USP7: variants seen among roughly 807,000 people sequenced by gnomAD.
USP7 encodes the protein ubiquitin C-terminal hydrolase 7.
USP7 carries 9 observed loss-of-function variants against 162.9 expected under a neutral mutation model. The observed-to-expected ratio is 0.06, with a 90% CI of 0.03 to 0.10. The LOEUF is 0.10. Ranked by LOEUF, USP7 falls within the 10% of genes least tolerant of loss-of-function variation. USP7 has a pLI of 1.00. For synonymous variants in USP7, 562 were observed against 475.9 expected, an observed-to-expected ratio of 1.18 and a Z score of -2.35; for missense variants, 715 against 1,373.7, an observed-to-expected ratio of 0.52 and a Z score of 7.58.
At chr16:8,905,037 G>C (rs576928826) in intron 14 of USP7, 150 bp downstream of exon 14, 2 of 874,474 alleles carry the variant, frequency 2.3e-6, no homozygotes, top group African/African-American at 1.7e-5. Context: ...ATCGAAACGC[G>C]CAAGCCCAAC....
At chr16:8,916,911 C>G in intron 7 of USP7, 115 bp downstream of exon 7, 1 of 1,240,236 alleles carries the variant, frequency 8.1e-7, no homozygotes, top group South Asian at 1.9e-5. Flanking sequence ...TCAAGCCTCC[C>G]TAAATTAAGT....
intron 1 of USP7, among the ~76,000 whole-genome samples, chr16:8,934,638 A>G (rs994878350): frequency 7.2e-5 from 11 of 152,236 alleles, no homozygotes; most frequent in African/African-American, 2.7e-4. Flanking sequence ...GTTGCAGCAG[A>G]ATCTGAGCAA....
chr16:8,963,873 G>A lies in USP7; in HGVS notation c.-588C>T, dbSNP rs1161819551. Among the ~76,000 whole-genome samples the A allele has an allele frequency of 6.8e-6, 1 of 146,868 alleles. No individual in the cohort carries two copies. Among genetic ancestry groups the A allele is most frequent in the South Asian group, 2.1e-4 (1 of 4,814 alleles). On this transcript the variant is annotated 5_prime_UTR_variant, in exon 1 of 31. Transcript: ENST00000344836. ...ACGCGGCGCCCGGCAGCTCGGCTCG[G>A]CTCGCTCTCAAAATGGCGGCGGCGT...
chr16:8,960,410 CAG>C (rs1899965372), intron 1 of USP7, among the ~76,000 whole-genome samples: 1 of 152,200 alleles, frequency 6.6e-6, no homozygotes, highest in Admixed American at 6.5e-5. Flanking sequence ...AAGGACTGTG[CAG>C]AGTTCACTCA....
chr16:8,906,287 C>T (rs2061858751), intron 13 of USP7, 139 bp downstream of exon 13: 3 of 926,130 alleles, frequency 3.2e-6, no homozygotes, highest in Non-Finnish European at 4.7e-6. Context: ...GATGGGAAAA[C>T]AGCATTTAGC....
intron 1 of USP7, among the ~76,000 whole-genome samples, chr16:8,952,831 A>T (rs1596414625): frequency 6.8e-6 from 1 of 147,588 alleles, no homozygotes; most frequent in Non-Finnish European, 1.5e-5. Flanking sequence ...GCCTGTGACC[A>T]CACTCGCTTT....
At chr16:8,959,882 G>A (rs1391414937) in intron 1 of USP7, among the ~76,000 whole-genome samples, 2 of 152,182 alleles carry the variant, frequency 1.3e-5, no homozygotes, top group African/African-American at 2.4e-5. Flanking sequence ...GCTCCTAATA[G>A]CAGCAGTCTA....
intron 15 of USP7, 113 bp downstream of exon 15, chr16:8,904,322 T>G: frequency 6.5e-7 from 1 of 1,529,068 alleles, no homozygotes; most frequent in Non-Finnish European, 8.8e-7. Flanking sequence ...ATGGATGCCC[T>G]GCTGCATGGT....
chr16:8,959,662 G>A (rs61426394), intron 1 of USP7, among the ~76,000 whole-genome samples: 4 of 152,106 alleles, frequency 2.6e-5, no homozygotes, highest in South Asian at 2.1e-4. Flanking sequence ...CTTTTGTCTC[G>A]TTACAGTGCT....
At chr16:8,902,565 A>G in intron 16 of USP7, 83 bp from the exon 17 acceptor site, 1 of 1,026,532 alleles carries the variant, frequency 9.7e-7, no homozygotes. Flanking sequence ...ATGTATATAC[A>G]TATACATATA....
At chr16:8,902,504 G>A (rs1451678716) in intron 16 of USP7, 22 bp from the exon 17 acceptor site, 2 of 1,603,252 alleles carry the variant, frequency 1.2e-6, no homozygotes, top group African/African-American at 1.3e-5. Context: ...ATTAAGAGTA[G>A]ATTAAAATAA....
intron 1 of USP7, chr16:8,949,532 G>A (rs1460379110): frequency 6.6e-6 from 1 of 152,388 alleles, no homozygotes; most frequent in Non-Finnish European, 1.5e-5. Context: ...CCACCCAGAA[G>A]CCTTGCCGCT....
chr16:8,955,704 CAAAA>C (rs58029349), intron 1 of USP7, among the ~76,000 whole-genome samples: 9 of 101,020 alleles, frequency 8.9e-5, no homozygotes, highest in African/African-American at 1.3e-4. Context: ...GATTCCATCT[CAAAA>C]AAAAAAAAAA....
chr16:8,930,403 A>C lies in USP7; in HGVS notation c.80-6T>G, dbSNP rs750206628. 1 of 1,595,990 alleles carries C rather than the reference A, an allele frequency of 6.3e-7. No homozygotes were observed. The highest frequency in any genetic ancestry group is 8.5e-7 in the Non-Finnish European group (1 of 1,171,154). ...TGGGTCATCTGTATCTCCCGCTTTA[A>C]AGAAGAAAAAGAAATTCCACGGGTT... On this transcript the variant is annotated splice_polypyrimidine_tract_variant and splice_region_variant and intron_variant, in intron 1 of 30. Coordinates refer to ENST00000344836, the MANE Select transcript of USP7 (RefSeq NM_003470.3).
chr16:8,941,995 T>C (rs557242209), intron 1 of USP7, among the ~76,000 whole-genome samples: 100 of 152,274 alleles, frequency 6.6e-4, no homozygotes, highest in African/African-American at 2.2e-3. Context: ...AGGAGACAAC[T>C]GGCAAGCACA....
At chr16:8,895,241 A>G in intron 27 of USP7, 91 bp from the exon 28 acceptor site, 2 of 1,585,410 alleles carry the variant, frequency 1.3e-6, no homozygotes, top group Non-Finnish European at 1.7e-6. Flanking sequence ...TCTAACCCGG[A>G]GGGTAAAGCC....
At chr16:8,921,388 A>G in intron 3 of USP7, 93 bp from the exon 4 acceptor site, 1 of 1,442,764 alleles carries the variant, frequency 6.9e-7, no homozygotes, top group South Asian at 1.3e-5. Context: ...CAAAATTCCC[A>G]TTTATGATTT....
chr16:8,929,870 G>A (rs911055136), intron 2 of USP7, among the ~76,000 whole-genome samples: 1 of 152,172 alleles, frequency 6.6e-6, no homozygotes, highest in African/African-American at 2.4e-5. Flanking sequence ...AACAGGAGCG[G>A]GGAGGGATTC....
At chr16:8,960,823 G>A (rs1899977330) in intron 1 of USP7, among the ~76,000 whole-genome samples, 1 of 152,196 alleles carries the variant, frequency 6.6e-6, no homozygotes, top group Non-Finnish European at 1.5e-5. Flanking sequence ...GATTGGGAAG[G>A]CTGAAATAGA....
Sources: allele counts gnomAD v4.1 joint callset (sites outside exome capture counted in the v4.1 genomes callset), GRCh38; gene constraint gnomAD v4.1.1; transcripts MANE v1.5; gene names NCBI Gene and HGNC (gene_info 2026-07-23, HGNC 2026-07-21).